HRH2: variants seen among roughly 807,000 people sequenced by gnomAD.
The protein encoded by HRH2 is histamine H2 receptor.
In HRH2, 4 loss-of-function variants were observed where a neutral mutation model predicts 20.1. The ratio of observed to expected loss-of-function variants is 0.20; its 90% confidence interval spans 0.10 to 0.45. The LOEUF is 0.45. Among genes scored for constraint, HRH2 ranks in the 20% least tolerant of loss-of-function variants. The pLI is 0.99. For missense variants in HRH2, 250 were observed against 461.6 expected, an observed-to-expected ratio of 0.54 and a Z score of 4.20; for synonymous variants, 197 against 200.7, an observed-to-expected ratio of 0.98 and a Z score of 0.16.
rs770465620 is a variant in HRH2, at chr5:175,683,389, G to A, written c.156G>A (p.Leu52=). 6.2e-7 allele frequency: 1 copy of A among 1,614,172 alleles called. No homozygotes were observed. Among genetic ancestry groups the A allele is most frequent in the Non-Finnish European group, 8.5e-7 (1 of 1,180,038 alleles). ...GCTTGAACCGCCGGCTCCGCAACCT[G>A]ACCAATTGTTTCATCGTGTCCTTGG... is the stretch of plus-strand genomic sequence containing the variant. ...AVGLNRRLRN[L]TNCFIVSLAI... Residue 52 remains leucine, a synonymous_variant, in exon 2 of 3, where the codon CTG becomes CTA. Transcript: ENST00000636584.
At chr5:175,671,701 C>T (rs535714710) in intron 1 of HRH2, among the ~76,000 whole-genome samples, 2 of 152,212 alleles carry the variant, frequency 1.3e-5, no homozygotes, top group African/African-American at 4.8e-5. Flanking sequence ...ATTGAACATC[C>T]GCAAATGTAA....
chr5:175,689,958 A>G (rs1056437202), intron 2 of HRH2, among the ~76,000 whole-genome samples: 1 of 152,234 alleles, frequency 6.6e-6, no homozygotes, highest in African/African-American at 2.4e-5. Context: ...CCAATCTCAG[A>G]AGATGAGGCT....
intron 1 of HRH2, among the ~76,000 whole-genome samples, chr5:175,668,496 G>A (rs889274186): frequency 6.6e-6 from 1 of 152,136 alleles, no homozygotes; most frequent in African/African-American, 2.4e-5. Flanking sequence ...TTGTGAGGCT[G>A]GGTTATTAGC....
chr5:175,695,011 T>G (rs1756523268), intron 2 of HRH2, among the ~76,000 whole-genome samples: 2 of 152,110 alleles, frequency 1.3e-5, no homozygotes, highest in African/African-American at 4.8e-5. Flanking sequence ...AAATTGTCTC[T>G]GCCCTCACCT....
chr5:175,678,166 G>T (rs1043475444), intron 1 of HRH2, among the ~76,000 whole-genome samples: 1 of 152,202 alleles, frequency 6.6e-6, no homozygotes, highest in African/African-American at 2.4e-5. Context: ...CCCGGATGTT[G>T]TCTCCTCCCA....
At chr5:175,699,800 C>T (rs1435375695) in intron 2 of HRH2, among the ~76,000 whole-genome samples, 1 of 152,134 alleles carries the variant, frequency 6.6e-6, no homozygotes, top group Non-Finnish European at 1.5e-5. Context: ...GTCTTGATCT[C>T]CTGACCTCGT....
chr5:175,659,879 G>T (rs1464651947), intron 1 of HRH2, among the ~76,000 whole-genome samples: 1 of 151,960 alleles, frequency 6.6e-6, no homozygotes, highest in Non-Finnish European at 1.5e-5. Flanking sequence ...TAAGGGTCTG[G>T]AAGGAAGGAA....
At position 175,686,686 on chromosome 5, in the gene HRH2, G is replaced by A. The variant is rs918319171; in HGVS notation, c.1076+2377G>A. Among the ~76,000 whole-genome samples, 14 of 152,194 alleles carry A rather than the reference G, an allele frequency of 9.2e-5. No individual in the cohort carries two copies. Among genetic ancestry groups the A allele is most frequent in the African/African-American group, 3.4e-4 (14 of 41,452 alleles). On this transcript the variant is annotated intron_variant, in intron 2 of 2. Coordinates refer to ENST00000636584, the MANE Select transcript of HRH2 (RefSeq NM_001367711.1). This position sits in a 1 kb window ranked among gnomAD's most constrained non-coding sequence, Gnocchi z 4.7. ...GACCTCTGAGCTTTTAAATGCAAACGAGAAAGACCCTTTCATCCAAGGCAG... is the reference window on the plus strand; with the variant it reads ...GACCTCTGAGCTTTTAAATGCAAACAAGAAAGACCCTTTCATCCAAGGCAG...
At chr5:175,707,097 T>C (rs7734871) in intron 2 of HRH2, among the ~76,000 whole-genome samples, 2,462 of 152,232 alleles carry the variant, frequency 0.016, 57 homozygotes, top group African/African-American at 0.056. Flanking sequence ...TACTTTTATA[T>C]GTATTCTGTA....
chr5:175,706,027 A>G (rs1055479497), intron 2 of HRH2, among the ~76,000 whole-genome samples: 2 of 152,222 alleles, frequency 1.3e-5, no homozygotes, highest in African/African-American at 2.4e-5. Flanking sequence ...AGCTATACCT[A>G]TCAACAATAT....
At chr5:175,684,810 G>C (rs769285320) in intron 2 of HRH2, among the ~76,000 whole-genome samples, 28 of 152,180 alleles carry the variant, frequency 1.8e-4, no homozygotes, top group African/African-American at 4.8e-4. Flanking sequence ...CTTACCGTGG[G>C]GGGGGTGTAA....
chr5:175,672,158 G>T (rs1755568508), intron 1 of HRH2, among the ~76,000 whole-genome samples: 1 of 152,174 alleles, frequency 6.6e-6, no homozygotes. Context: ...TATGAAACTT[G>T]CTTGAGGTAA....
rs1470030229 is a variant in HRH2 at position 175,681,563 on chromosome 5, C to G, written c.-525-1146C>G. ...GTTTCTCGCCAGTTGGAATCATATA[C>G]AGCCACCACTGGGAGGGAGCCTTGG... On this transcript the variant is annotated intron_variant, in intron 1 of 2. Transcript: ENST00000636584. This position sits in a 1 kb window ranked among gnomAD's most constrained non-coding sequence, Gnocchi z 4.3. 6.6e-6 allele frequency among the ~76,000 whole-genome samples: 1 copy of G among 152,176 alleles called. No homozygotes were observed. The highest frequency in any genetic ancestry group is 2.4e-5 in the African/African-American group (1 of 41,450).
rs930524145 is a variant in HRH2 at position 175,687,427 on chromosome 5, C to T, written c.1076+3118C>T. Among the ~76,000 whole-genome samples the T allele has an allele frequency of 6.6e-6, 1 of 152,186 alleles. No individual in the cohort carries two copies. The highest frequency in any genetic ancestry group is 2.1e-4 in the South Asian group (1 of 4,834). On this transcript the variant is annotated intron_variant, in intron 2 of 2. Coordinates refer to ENST00000636584, the MANE Select transcript of HRH2 (RefSeq NM_001367711.1). This position sits in a 1 kb window ranked among gnomAD's most constrained non-coding sequence, Gnocchi z 5.2. ...TCCGAAGGGAACGGAGCCAGCCTGC[C>T]CTGGGTGGGGTGGGGGCACCGTCGG... is the stretch of plus-strand genomic sequence containing the variant.
Position 175,681,125 on chromosome 5 carries a change from T to C in HRH2, c.-525-1584T>C, listed in dbSNP as rs1255361429. On this transcript the variant is annotated intron_variant, in intron 1 of 2. Transcript: ENST00000636584. This position sits in a 1 kb window ranked among gnomAD's most constrained non-coding sequence, Gnocchi z 4.3. ...GAGAAATAGGGATTCTCCAAAAAAA[T>C]ACCCTTATTGCTACCCCCTCCAAAG... 2.0e-5 allele frequency among the ~76,000 whole-genome samples: 3 copies of C among 152,080 alleles called. No individual in the cohort carries two copies. Among genetic ancestry groups the C allele is most frequent in the East Asian group, 1.9e-4 (1 of 5,196 alleles).
chr5:175,677,814 T>C lies in HRH2; in HGVS notation c.-525-4895T>C, dbSNP rs1332972721. Among the ~76,000 whole-genome samples, 1 of 152,210 alleles carries C rather than the reference T, an allele frequency of 6.6e-6. No individual in the cohort carries two copies. The highest frequency in any genetic ancestry group is 2.4e-5 in the African/African-American group (1 of 41,456). ...CCCCAGCTGCCACACCCTCGAATCC[T>C]GATCTGCAGCAGGAGGTCAGGGACC... On this transcript the variant is annotated intron_variant, in intron 1 of 2. Transcript: ENST00000636584. The surrounding 1 kb of genome is among the most constrained non-coding windows in gnomAD (Gnocchi z 4.2).
intron 1 of HRH2, among the ~76,000 whole-genome samples, chr5:175,680,795 C>A (rs1229542112): frequency 6.6e-6 from 1 of 152,156 alleles, no homozygotes; most frequent in Admixed American, 6.5e-5. Context: ...AATAGGAATA[C>A]AGCAGAAGTG....
chr5:175,706,747 T>G (rs996620816), intron 2 of HRH2, among the ~76,000 whole-genome samples: 4 of 152,242 alleles, frequency 2.6e-5, no homozygotes, highest in Admixed American at 2.6e-4. Context: ...GGCCGGCACA[T>G]GCCCTCACAT....
chr5:175,676,328 C>T (rs765844749), intron 1 of HRH2, among the ~76,000 whole-genome samples: 11 of 152,248 alleles, frequency 7.2e-5, no homozygotes, highest in African/African-American at 9.6e-5. Flanking sequence ...CACGCCCGCA[C>T]GTGCACACAC....
Sources: gnomAD v4.1 joint callset for allele counts (sites outside exome capture counted in the v4.1 genomes callset) on GRCh38, gnomAD v4.1.1 for gene constraint, Gnocchi (gnomAD v3.1) non-coding constraint, MANE v1.5 for transcripts, NCBI Gene and HGNC (gene_info 2026-07-23, HGNC 2026-07-21) for gene names.